The following SEPTIN7 variants were observed in gnomAD, a reference collection of about 807,000 sequenced individuals.
SEPTIN7 encodes the protein septin 7.
A neutral mutation model predicts 63.3 loss-of-function variants in SEPTIN7; 10 were observed. The observed-to-expected ratio is 0.16, with a 90% CI of 0.10 to 0.27. The LOEUF is 0.27. SEPTIN7 is among the 10% of genes least tolerant of loss of function. The probability of loss-of-function intolerance (pLI) is 1.00; values close to 1 mark genes in which losing one functional copy is unlikely to be tolerated. For synonymous variants in SEPTIN7, 131 were observed against 165.3 expected (o/e 0.79, Z 1.59); for missense variants, 310 against 521.0 (o/e 0.59, Z 3.94).
At chr7:35,895,436 C>T (rs904240344) in intron 11 of SEPTIN7, among the ~76,000 whole-genome samples, 1 of 152,076 alleles carries the variant, frequency 6.6e-6, no homozygotes, top group African/African-American at 2.4e-5. Flanking sequence ...ATTATTTTTA[C>T]AAGACTAAAA....
intron 3 of SEPTIN7, among the ~76,000 whole-genome samples, chr7:35,854,151 A>G (rs905016974): frequency 5.3e-5 from 8 of 152,194 alleles, no homozygotes; most frequent in Non-Finnish European, 1.0e-4. Context: ...CTAAAATTTG[A>G]AAAAGCCCCA....
At chr7:35,872,815 G>T (rs756677503) in intron 5 of SEPTIN7, 49 bp downstream of exon 5, 1 of 1,266,392 alleles carries the variant, frequency 7.9e-7, no homozygotes, top group African/African-American at 1.5e-5. Flanking sequence ...GGGGTACTGG[G>T]GTGGTTAAAC....
At chr7:35,815,697 T>C (rs1206542570) in intron 1 of SEPTIN7, among the ~76,000 whole-genome samples, 1 of 152,248 alleles carries the variant, frequency 6.6e-6, no homozygotes, top group Non-Finnish European at 1.5e-5. Flanking sequence ...CTAATCAAAA[T>C]ACTTTTTTCC....
intron 4 of SEPTIN7, among the ~76,000 whole-genome samples, chr7:35,869,205 T>TGA (rs1254220980): frequency 6.6e-6 from 1 of 152,110 alleles, no homozygotes; most frequent in Non-Finnish European, 1.5e-5. Context: ...GACAGGGATA[T>TGA]GAGAGGTAGA....
In SEPTIN7 at chr7:35,879,922, C is replaced by T. The variant is rs1482144154; in HGVS notation, c.612C>T (p.Cys204=). The stretch of plus-strand genomic sequence containing the variant: ...CAGACACACTCACACCAGAGGAATG[C>T]CAACAGTTTAAAAAACAGGTGAGCA... ...AKADTLTPEE[C]QQFKKQIMKE... Residue 204 remains cysteine (C), a synonymous_variant, in exon 7 of 14, where the codon TGC becomes TGT. Coordinates refer to ENST00000350320, the MANE Select transcript of SEPTIN7 (RefSeq NM_001788.6). 2.5e-6 allele frequency: 4 copies of T among 1,586,312 alleles called. No individual in the cohort carries two copies. The highest frequency in any genetic ancestry group is 2.7e-5 in the African/African-American group (2 of 74,376).
chr7:35,877,619 A>G (rs200947651), intron 6 of SEPTIN7, among the ~76,000 whole-genome samples: 1 of 152,204 alleles, frequency 6.6e-6, no homozygotes, highest in Non-Finnish European at 1.5e-5. Flanking sequence ...TATTTCTAGT[A>G]TCTTCATTTA....
chr7:35,801,276 T>A lies in SEPTIN7; in HGVS notation c.61+6T>A. The A allele has an allele frequency of 7.2e-7, 1 of 1,381,562 alleles. No homozygotes were observed. Among genetic ancestry groups the A allele is most frequent in the Non-Finnish European group, 9.3e-7 (1 of 1,073,808 alleles). 85.6% of individuals were successfully genotyped at this position (1,381,562 alleles called of 1,614,324 possible). A position where few individuals can be genotyped will look rare whatever the true frequency, so the allele number is the denominator to read the frequency against. ...CGTCAACAGCAGCACCATGGGTGAG[T>A]CTCAGCTTCGGGTGCCGCGACTTGG... On this transcript the variant is annotated splice_donor_region_variant and intron_variant, in intron 1 of 13. Coordinates refer to ENST00000350320, the MANE Select transcript of SEPTIN7 (RefSeq NM_001788.6).
At chr7:35,865,868 C>T (rs144725583) in intron 4 of SEPTIN7, among the ~76,000 whole-genome samples, 69 of 152,286 alleles carry the variant, frequency 4.5e-4, no homozygotes, top group Admixed American at 6.5e-4. Context: ...TATTAGAATT[C>T]TTACATTGGC....
intron 1 of SEPTIN7, among the ~76,000 whole-genome samples, chr7:35,801,853 T>C (rs1221944493): frequency 6.6e-6 from 1 of 151,808 alleles, no homozygotes; most frequent in African/African-American, 2.4e-5. Flanking sequence ...CGGCGGCGGC[T>C]GCAGCCGCAG....
At chr7:35,851,705 C>T (rs1461362816) in intron 3 of SEPTIN7, among the ~76,000 whole-genome samples, 2 of 152,048 alleles carry the variant, frequency 1.3e-5, no homozygotes, top group African/African-American at 2.4e-5. Context: ...TACTTCCTTC[C>T]CTTTAGTAAA....
At chr7:35,898,404 T>C in intron 12 of SEPTIN7, 21 bp downstream of exon 12, 1 of 1,480,152 alleles carries the variant, frequency 6.8e-7, no homozygotes, top group Non-Finnish European at 9.2e-7. Context: ...TAATATCCCA[T>C]CTCTTAGCAG....
At chr7:35,828,039 C>T (rs1016360844) in intron 1 of SEPTIN7, among the ~76,000 whole-genome samples, 1 of 152,310 alleles carries the variant, frequency 6.6e-6, no homozygotes, top group East Asian at 1.9e-4. Flanking sequence ...ACATGGTTCT[C>T]TCCCTCTGGG....
At chr7:35,810,438 C>T (rs1788617556) in intron 1 of SEPTIN7, among the ~76,000 whole-genome samples, 2 of 151,972 alleles carry the variant, frequency 1.3e-5, no homozygotes. Context: ...ATTCTTCTGC[C>T]TCAGCCTCCC....
At chr7:35,896,789 CT>C (rs1787982660) in intron 11 of SEPTIN7, among the ~76,000 whole-genome samples, 1 of 152,150 alleles carries the variant, frequency 6.6e-6, no homozygotes, top group South Asian at 2.1e-4. Flanking sequence ...TAGAAGTTTT[CT>C]TTTAGTGAAG....
chr7:35,823,973 T>C (rs189329236), intron 1 of SEPTIN7, among the ~76,000 whole-genome samples: 9 of 152,262 alleles, frequency 5.9e-5, no homozygotes. Flanking sequence ...CTACTTGGTG[T>C]TTTCTATTAG....
rs1225944044 is a variant in SEPTIN7, at chr7:35,883,879, T to C, written c.724-12T>C. 2 of 1,523,404 alleles carry C rather than the reference T, an allele frequency of 1.3e-6. No homozygotes were observed. The highest frequency in any genetic ancestry group is 1.8e-6 in the Non-Finnish European group (2 of 1,100,940). 94.4% of individuals were successfully genotyped at this position (1,523,404 alleles called of 1,614,324 possible). On this transcript the variant is annotated splice_polypyrimidine_tract_variant and intron_variant, in intron 8 of 13. Coordinates refer to ENST00000350320, the MANE Select transcript of SEPTIN7 (RefSeq NM_001788.6). Reference sequence around the variant, plus strand: ...CAGAGATGTATTTGAACAAGAATACTTTGTTTTATAGGACCGTTTACCTCT... The same window carrying C: ...CAGAGATGTATTTGAACAAGAATACCTTGTTTTATAGGACCGTTTACCTCT...
In SEPTIN7 at chr7:35,832,884, C is replaced by G; in HGVS notation, c.153C>G (p.Phe51Leu). ...YRKSVKRGFE[F>L]TLMVVGESGL... ...AATCGGTGAAGAGAGGTTTTGAATT[C>G]ACGCTTATGGTAGTGGGTAAGATAT... is the stretch of plus-strand genomic sequence containing the variant. The change falls in exon 3 of 14, where the codon TTC becomes TTG. Residue 51 changes from phenylalanine (F) to leucine (L), a missense_variant. Phe to Leu is a conservative substitution (Grantham distance 22). Coordinates refer to ENST00000350320, the MANE Select transcript of SEPTIN7 (RefSeq NM_001788.6). 6.3e-7 allele frequency: 1 copy of G among 1,596,938 alleles called. No individual in the cohort carries two copies. The highest frequency in any genetic ancestry group is 8.6e-7 in the Non-Finnish European group (1 of 1,164,552).
chr7:35,854,073 A>G (rs1785084279), intron 3 of SEPTIN7, among the ~76,000 whole-genome samples: 1 of 152,202 alleles, frequency 6.6e-6, no homozygotes, highest in Admixed American at 6.5e-5. Context: ...GGAAATGCTC[A>G]TTGAACCAGT....
chr7:35,874,873 A>C (rs576375538), intron 6 of SEPTIN7, among the ~76,000 whole-genome samples: 3 of 152,308 alleles, frequency 2.0e-5, no homozygotes, highest in Admixed American at 2.0e-4. Flanking sequence ...GCTCAAAAAA[A>C]GTAATCTCAA....
Sources: allele counts gnomAD v4.1 joint callset (sites outside exome capture counted in the v4.1 genomes callset), GRCh38; gene constraint gnomAD v4.1.1; transcripts MANE v1.5; gene names NCBI Gene and HGNC (gene_info 2026-07-23, HGNC 2026-07-21).